The following ARPP21 variants were observed in gnomAD, a reference collection of about 807,000 sequenced individuals.
ARPP21 encodes cAMP-regulated phosphoprotein 21.
ARPP21 carries 69 observed loss-of-function variants against 113.2 expected under a neutral mutation model. That is an observed-to-expected ratio of 0.61 (90% confidence interval 0.50 to 0.74). ARPP21 has a LOEUF of 0.74. Among genes scored for constraint, ARPP21 ranks in the 30% least tolerant of loss-of-function variants. ARPP21 has a pLI of 0.00. For synonymous variants in ARPP21, 368 were observed against 375.5 expected, an observed-to-expected ratio of 0.98 and a Z score of 0.23; for missense variants, 1,070 against 1,037.4, an observed-to-expected ratio of 1.03 and a Z score of -0.43.
intron 1 of ARPP21, among the ~76,000 whole-genome samples, chr3:35,647,084 C>T (rs1471966760): frequency 6.6e-6 from 1 of 152,152 alleles, no homozygotes; most frequent in African/African-American, 2.4e-5. Context: ...ATCTGCTTAC[C>T]CTTAGCATTG....
intron 18 of ARPP21, among the ~76,000 whole-genome samples, chr3:35,740,189 T>C (rs1244762872): frequency 6.6e-6 from 1 of 152,216 alleles, no homozygotes; most frequent in East Asian, 1.9e-4. Flanking sequence ...CACTGATTTT[T>C]ACTGTCTTCT....
chr3:35,773,852 T>G (rs561303405), intron 19 of ARPP21, among the ~76,000 whole-genome samples: 1 of 152,340 alleles, frequency 6.6e-6, no homozygotes, highest in African/African-American at 2.4e-5. Flanking sequence ...AGACTACATC[T>G]GTTTTAAATA....
chr3:35,690,013 A>T, intron 7 of ARPP21, 68 bp from the exon 8 acceptor site: 1 of 762,438 alleles, frequency 1.3e-6, no homozygotes, highest in Non-Finnish European at 2.4e-6. Flanking sequence ...CATACATTTA[A>T]TTAATTCTTT....
chr3:35,684,392 C>A, intron 5 of ARPP21: 1 of 979,302 alleles, frequency 1.0e-6, no homozygotes, highest in Non-Finnish European at 1.2e-6. Context: ...TATATCACTG[C>A]ATATTTTTAC....
chr3:35,724,612 A>T (rs1327793694), intron 14 of ARPP21, among the ~76,000 whole-genome samples: 3 of 152,190 alleles, frequency 2.0e-5, no homozygotes, highest in African/African-American at 4.8e-5. Flanking sequence ...CTTCAAAAAC[A>T]ACTGCTCTGG....
intron 11 of ARPP21, among the ~76,000 whole-genome samples, chr3:35,713,239 A>G (rs2091699376): frequency 1.3e-4 from 1 of 7,724 alleles, no homozygotes; most frequent in Admixed American, 2.1e-3. Flanking sequence ...TATTAATACT[A>G]CTTTTTTTAA....
chr3:35,641,602 A>G (rs943503678), intron 1 of ARPP21: 2 of 152,246 alleles, frequency 1.3e-5, no homozygotes, highest in African/African-American at 4.8e-5. Context: ...ATAGCCGAGT[A>G]ATCTACTATC....
At chr3:35,651,486 T>C (rs919851692) in intron 1 of ARPP21, among the ~76,000 whole-genome samples, 1 of 152,066 alleles carries the variant, frequency 6.6e-6, no homozygotes, top group Non-Finnish European at 1.5e-5. Flanking sequence ...TATGCTTTGT[T>C]CTTTAGCGCT....
At chr3:35,699,405 C>A (rs1013959096) in intron 9 of ARPP21, among the ~76,000 whole-genome samples, 10 of 151,480 alleles carry the variant, frequency 6.6e-5, no homozygotes, top group African/African-American at 2.4e-4. Flanking sequence ...TTAGAGAATA[C>A]TTGAAGGTGA....
intron 14 of ARPP21, among the ~76,000 whole-genome samples, chr3:35,726,991 G>A (rs924377295): frequency 2.6e-5 from 4 of 152,190 alleles, no homozygotes; most frequent in African/African-American, 9.7e-5. Flanking sequence ...TTGGGAATAT[G>A]ACCACAGAGT....
At chr3:35,763,450 G>C (rs906350972) in intron 19 of ARPP21, among the ~76,000 whole-genome samples, 16 of 152,272 alleles carry the variant, frequency 1.1e-4, no homozygotes, top group South Asian at 2.1e-4. Context: ...ACATTCAACT[G>C]TCTCTCATTG....
intron 3 of ARPP21, 128 bp downstream of exon 3, chr3:35,682,008 C>T (rs1382243564): frequency 6.2e-6 from 7 of 1,129,240 alleles, no homozygotes; most frequent in South Asian, 2.3e-5. Context: ...AAATGCTAGT[C>T]TCCTACTTTT....
At chr3:35,753,188 A>G (rs144155089) in intron 19 of ARPP21, among the ~76,000 whole-genome samples, 2,161 of 151,942 alleles carry the variant, frequency 0.014, 23 homozygotes, top group African/African-American at 0.031. Flanking sequence ...TGAATATTTA[A>G]AAGGCTAAAA....
In ARPP21 at chr3:35,684,366, A is replaced by G. The variant is rs566729976; in HGVS notation, c.261+551A>G. On this transcript the variant is annotated intron_variant, in intron 5 of 20. Transcript: ENST00000684406. ...ATGAATCTGAGCTGATGGTGACTTT[A>G]AGTTAATATTATTAATATATCACTG... 6 of 1,008,806 alleles carry G rather than the reference A, an allele frequency of 5.9e-6. No individual in the cohort carries two copies. In the East Asian group the frequency reaches 5.3e-4, roughly 89 times the overall value. The allele number at this position is 1,008,806 out of a possible 1,614,324, so 62.5% of individuals were successfully genotyped here. A position where few individuals can be genotyped will look rare whatever the true frequency, so the allele number is the denominator to read the frequency against.
At chr3:35,726,485 A>T (rs1261814789) in intron 14 of ARPP21, among the ~76,000 whole-genome samples, 1 of 152,234 alleles carries the variant, frequency 6.6e-6, no homozygotes, top group African/African-American at 2.4e-5. Context: ...TCATCTTTGC[A>T]TGTGCAGAGA....
intron 18 of ARPP21, among the ~76,000 whole-genome samples, chr3:35,741,363 A>G (rs968859428): frequency 3.3e-5 from 5 of 152,216 alleles, no homozygotes; most frequent in African/African-American, 1.2e-4. Context: ...AGATAAAGGT[A>G]TAGGCTATAA....
intron 2 of ARPP21, among the ~76,000 whole-genome samples, chr3:35,680,196 TC>T (rs2078499101): frequency 6.6e-6 from 1 of 151,856 alleles, no homozygotes; most frequent in Admixed American, 6.6e-5. Context: ...GCAACAGAAG[TC>T]CCCTATCCAA....
intron 19 of ARPP21, among the ~76,000 whole-genome samples, chr3:35,744,312 G>T (rs1000198891): frequency 6.7e-6 from 1 of 150,334 alleles, no homozygotes; most frequent in African/African-American, 2.5e-5. Context: ...TGCTTCCTCT[G>T]TTCTTAAGGC....
Position 35,794,039 on chromosome 3 carries a change from G to T in ARPP21, c.*81G>T. On this transcript the variant is annotated 3_prime_UTR_variant, in exon 21 of 21. Transcript: ENST00000684406. ...GGAACAAGGTGGGAAAACTGGCTGA[G>T]GACTTAAGTATTCACTCAACACTCA... The T allele has an allele frequency of 7.7e-7, 1 of 1,295,616 alleles. No individual in the cohort carries two copies. The highest frequency in any genetic ancestry group is 1.1e-6 in the Non-Finnish European group (1 of 926,298). 80.3% of individuals were successfully genotyped at this position (1,295,616 alleles called of 1,614,324 possible). A position where few individuals can be genotyped will look rare whatever the true frequency, so the allele number is the denominator to read the frequency against.
Sources: gnomAD v4.1 joint callset for allele counts (sites outside exome capture counted in the v4.1 genomes callset) on GRCh38, gnomAD v4.1.1 for gene constraint, MANE v1.5 for transcripts, NCBI Gene and HGNC (gene_info 2026-07-23, HGNC 2026-07-21) for gene names.